Variants in TSGA10 observed in about 807,000 individuals in gnomAD.
The protein encoded by TSGA10 is testis-specific gene 10 protein.
Under a neutral mutation model 96.6 loss-of-function variants are expected in TSGA10, and 43 were observed. The observed-to-expected ratio is 0.44, with a 90% CI of 0.35 to 0.57. The LOEUF is 0.57. Among genes scored for constraint, TSGA10 ranks in the 20% least tolerant of loss-of-function variants. The pLI is 0.01. For missense variants in TSGA10, 703 were observed against 834.4 expected, an observed-to-expected ratio of 0.84 and a Z score of 1.94; for synonymous variants, 229 against 269.9, an observed-to-expected ratio of 0.85 and a Z score of 1.48.
intron 10 of TSGA10, among the ~76,000 whole-genome samples, chr2:99,091,931 G>C (rs1411500248): frequency 6.6e-6 from 1 of 151,946 alleles, no homozygotes; most frequent in Non-Finnish European, 1.5e-5. Context: ...TACCCAAATG[G>C]ACTTAACAGG....
At chr2:99,005,856 C>G (rs1219397122) in intron 20 of TSGA10, among the ~76,000 whole-genome samples, 1 of 152,160 alleles carries the variant, frequency 6.6e-6, no homozygotes, top group Admixed American at 6.5e-5. Flanking sequence ...GTCAAAAGAA[C>G]AAAGCTGGAG....
rs1300594872 is a variant in TSGA10, at chr2:99,018,282, T to C, written c.1990A>G (p.Met664Val). ...SSNAYHMSSTMKPNTKCHSPE... is the reference protein window; with the variant it reads ...SSNAYHMSSTVKPNTKCHSPE... Reference sequence around the variant, plus strand: ...GAATGACATTTTGTATTTGGCTTCATTGTAGAACTCATATGATAAGCATTA... The same window carrying C: ...GAATGACATTTTGTATTTGGCTTCACTGTAGAACTCATATGATAAGCATTA... Residue 664 changes from methionine (M) to valine (V), a missense_variant, in exon 20 of 21, where the codon ATG becomes GTG. This residue lies in a region of TSGA10 where 69 missense variants were observed against 81.3 expected (regional missense o/e 0.85). Transcript: ENST00000393483. 1.2e-6 allele frequency: 2 copies of C among 1,614,176 alleles called. No individual in the cohort carries two copies. The highest frequency in any genetic ancestry group is 8.5e-7 in the Non-Finnish European group (1 of 1,180,022).
intron 9 of TSGA10, 102 bp from the exon 10 acceptor site, chr2:99,104,220 T>G: frequency 7.6e-7 from 1 of 1,321,424 alleles, no homozygotes; most frequent in East Asian, 2.3e-5. Context: ...ATGGCAAGAC[T>G]GACAGGATGA....
intron 20 of TSGA10, among the ~76,000 whole-genome samples, chr2:99,013,876 G>A (rs146441651): frequency 0.054 from 8,143 of 151,898 alleles, 411 homozygotes; most frequent in East Asian, 0.2. Flanking sequence ...ATTAAGGCTG[G>A]GCGCAGTGCC....
intron 17 of TSGA10, among the ~76,000 whole-genome samples, chr2:99,028,951 A>G (rs1468645255): frequency 6.6e-6 from 1 of 152,246 alleles, no homozygotes; most frequent in African/African-American, 2.4e-5. Context: ...TGTTTTATAC[A>G]ATAAAAATTT....
In TSGA10 at chr2:99,117,664, TA is replaced by T; in HGVS notation, c.-261del. 1 of 985,830 alleles carries T rather than the reference TA, an allele frequency of 1.0e-6. No individual in the cohort carries two copies. Among genetic ancestry groups the T allele is most frequent in the Non-Finnish European group, 1.2e-6 (1 of 829,882 alleles). 61.1% of individuals were successfully genotyped at this position (985,830 alleles called of 1,614,324 possible). On this transcript the variant is annotated 5_prime_UTR_variant, in exon 4 of 21. An upstream open reading frame in the 5' UTR loses its in-frame stop. Transcript: ENST00000393483. ...TACAAAGATGCTCATTGTGGCTGGT[TA>T]AATCATCTACTTGACTGCTTACCAC...
At chr2:99,131,490 A>G (rs1018055970) in intron 1 of TSGA10, among the ~76,000 whole-genome samples, 7 of 152,184 alleles carry the variant, frequency 4.6e-5, no homozygotes, top group Admixed American at 4.6e-4. Context: ...GACTTTGCTG[A>G]AGTTGCTTAT....
intron 10 of TSGA10, chr2:99,102,886 C>G (rs940230216): frequency 2.9e-6 from 2 of 685,640 alleles, no homozygotes; most frequent in African/African-American, 3.6e-5. Context: ...TTATATTTGT[C>G]TTTGTATTTT....
intron 20 of TSGA10, among the ~76,000 whole-genome samples, chr2:99,012,643 G>A (rs1030286829): frequency 1.3e-5 from 2 of 152,122 alleles, no homozygotes; most frequent in Non-Finnish European, 1.5e-5. Context: ...AATTCTAAAT[G>A]TATATGCACC....
rs554126377 is a variant in TSGA10 at position 99,148,590 on chromosome 2, C to T, written c.-621+6103G>A. Among the ~76,000 whole-genome samples the T allele has an allele frequency of 2.0e-5, 3 of 152,316 alleles. No individual in the cohort carries two copies. In the South Asian group the frequency reaches 6.2e-4, roughly 32 times the overall value. On this transcript the variant is annotated intron_variant, in intron 1 of 20. Transcript: ENST00000393483. ...TTCAAGATGATTCTTTAGAAATGTT[C>T]AGTCAGTAATTACAGCTTGATGAGT...
chr2:99,002,106 C>T (rs899344107), intron 20 of TSGA10, among the ~76,000 whole-genome samples: 45 of 152,066 alleles, frequency 3.0e-4, no homozygotes, highest in African/African-American at 9.9e-4. Context: ...GCAAGGCAGG[C>T]CGACATTCAA....
intron 20 of TSGA10, 31 bp downstream of exon 20, chr2:99,018,169 C>A: frequency 6.2e-7 from 1 of 1,612,246 alleles, no homozygotes; most frequent in South Asian, 1.1e-5. Context: ...GCTATTTGAT[C>A]TCAAGAGAAT....
At chr2:99,006,427 G>T (rs546619493) in intron 20 of TSGA10, among the ~76,000 whole-genome samples, 36 of 152,038 alleles carry the variant, frequency 2.4e-4, no homozygotes, top group Non-Finnish European at 3.5e-4. Flanking sequence ...AATCTACAAT[G>T]AACTCAAACG....
At chr2:99,057,314 A>G (rs1455603648) in intron 16 of TSGA10, among the ~76,000 whole-genome samples, 1 of 152,182 alleles carries the variant, frequency 6.6e-6, no homozygotes, top group Non-Finnish European at 1.5e-5. Flanking sequence ...GATCTTTGAT[A>G]TAGAAAATCC....
At chr2:99,098,254 G>A (rs538805492) in intron 10 of TSGA10, among the ~76,000 whole-genome samples, 3 of 151,696 alleles carry the variant, frequency 2.0e-5, no homozygotes, top group African/African-American at 4.8e-5. Context: ...TGGCTAACAC[G>A]ATGAAACCCT....
Position 99,108,099 on chromosome 2 carries a change from T to G in TSGA10, c.210+734A>C, listed in dbSNP as rs1354565892. Among the ~76,000 whole-genome samples the G allele has an allele frequency of 2.0e-5, 3 of 152,174 alleles. No homozygotes were observed. The South Asian group carries it at 6.2e-4, about 31-fold the overall frequency. ...TATCTTTTAATAAAGATTTCCTTGA[T>G]CACCATATCTAAAAATGCCCACTTC... On this transcript the variant is annotated intron_variant, in intron 7 of 20. Coordinates refer to ENST00000393483, the MANE Select transcript of TSGA10 (RefSeq NM_025244.4).
chr2:99,082,890 T>C (rs978656133), intron 10 of TSGA10, among the ~76,000 whole-genome samples: 5 of 151,956 alleles, frequency 3.3e-5, no homozygotes, highest in Non-Finnish European at 5.9e-5. Flanking sequence ...AAGAACCAAA[T>C]AGAACTTCAC....
intron 10 of TSGA10, among the ~76,000 whole-genome samples, chr2:99,087,308 A>T (rs1574206643): frequency 6.6e-6 from 1 of 152,042 alleles, no homozygotes; most frequent in Non-Finnish European, 1.5e-5. Context: ...GGAGTTCGAA[A>T]CCAGCCTGAC....
chr2:99,101,946 A>G (rs183423456), intron 10 of TSGA10: 446 of 724,672 alleles, frequency 6.2e-4, no homozygotes, highest in Admixed American at 3.1e-3. Context: ...AACACGAAAA[A>G]CTCTAGAGAT....
Sources: allele counts gnomAD v4.1 joint callset (sites outside exome capture counted in the v4.1 genomes callset), GRCh38; gene constraint gnomAD v4.1.1; regional missense constraint gnomAD v4.1.1; transcripts MANE v1.5; gene names NCBI Gene and HGNC (gene_info 2026-07-23, HGNC 2026-07-21).